COL6A6: variants seen among roughly 807,000 people sequenced by gnomAD.
COL6A6 encodes the protein collagen alpha-6(VI) chain.
A neutral mutation model predicts 208.6 loss-of-function variants in COL6A6; 183 were observed. The ratio of observed to expected loss-of-function variants is 0.88; its 90% CI spans 0.78 to 0.99. The LOEUF is 0.99. COL6A6 is among the 50% of genes least tolerant of loss of function. The probability of loss-of-function intolerance (pLI) is 0.00; values close to 1 mark genes in which losing one functional copy is unlikely to be tolerated. For missense variants in COL6A6, 2,816 were observed against 2,815.2 expected (o/e 1.00, Z -0.01); for synonymous variants, 973 against 1,011.8 (o/e 0.96, Z 0.73).
intron 18 of COL6A6, among the ~76,000 whole-genome samples, chr3:130,595,084 T>G (rs2063816334): frequency 1.3e-5 from 2 of 152,140 alleles, no homozygotes; most frequent in Non-Finnish European, 2.9e-5. Context: ...TCTCATTTCC[T>G]GTAACCCAGG....
chr3:130,595,875 GTCAAATGGTTT>G (rs1329549314), intron 18 of COL6A6, among the ~76,000 whole-genome samples: 2 of 152,142 alleles, frequency 1.3e-5, no homozygotes, highest in Non-Finnish European at 2.9e-5. Context: ...TGTCTTTACA[GTCAAATGGTTT>G]TCAAAAGTTT....
rs2066369438 is a variant in COL6A6, at chr3:130,676,805, G to A, written c.*1408G>A. On this transcript the variant is annotated 3_prime_UTR_variant, in exon 37 of 37. Coordinates refer to ENST00000358511, the MANE Select transcript of COL6A6 (RefSeq NM_001102608.3). Reference sequence around the variant, plus strand: ...GTCACATTCATACTCAGGTAATAGAGAAGAATAAAACACATCAGGTTTGCT... The same window carrying A: ...GTCACATTCATACTCAGGTAATAGAAAAGAATAAAACACATCAGGTTTGCT... 1 of 152,196 alleles carries A rather than the reference G, an allele frequency of 6.6e-6. No individual in the cohort carries two copies. Among genetic ancestry groups the A allele is most frequent in the Non-Finnish European group, 1.5e-5 (1 of 68,042 alleles). The allele number at this position is 152,196 out of a possible 1,614,324, so 9.4% of individuals were successfully genotyped here. A position where few individuals can be genotyped will look rare whatever the true frequency, so the allele number is the denominator to read the frequency against.
chr3:130,661,632 C>T lies in COL6A6; in HGVS notation c.5831-5C>T, dbSNP rs774691511. 6.3e-7 allele frequency: 1 copy of T among 1,594,600 alleles called. No individual in the cohort carries two copies. The highest frequency in any genetic ancestry group is 1.8e-5 in the Admixed American group (1 of 56,054). On this transcript the variant is annotated splice_region_variant and splice_polypyrimidine_tract_variant and intron_variant, in intron 34 of 36. Transcript: ENST00000358511. ...TAGTAACCCAGAGTAACTTTTGGTT[C>T]ACAGATGTGTGCAAGCCAGATGCTT... is the stretch of plus-strand genomic sequence containing the variant.
chr3:130,637,350 G>A (rs778422036), intron 28 of COL6A6, among the ~76,000 whole-genome samples: 11 of 151,510 alleles, frequency 7.3e-5, no homozygotes, highest in Non-Finnish European at 1.3e-4. Flanking sequence ...TCAGAAGCAC[G>A]CTAACAAGTT....
chr3:130,535,170 T>C (rs2062195239), intron 1 of COL6A6, among the ~76,000 whole-genome samples: 2 of 152,128 alleles, frequency 1.3e-5, no homozygotes, highest in Admixed American at 6.5e-5. Context: ...TTGTTCTCAC[T>C]CCAGGCTTTT....
At chr3:130,561,947 C>T (rs915190239) in intron 2 of COL6A6, among the ~76,000 whole-genome samples, 3 of 152,118 alleles carry the variant, frequency 2.0e-5, no homozygotes, top group African/African-American at 7.2e-5. Flanking sequence ...CCACCGCGCC[C>T]GGCTGAATCT....
At chr3:130,556,206 G>T (rs778211717) in intron 1 of COL6A6, among the ~76,000 whole-genome samples, 1 of 152,166 alleles carries the variant, frequency 6.6e-6, no homozygotes, top group African/African-American at 2.4e-5. Context: ...TGCTGCAAAA[G>T]GCATGATTTT....
chr3:130,563,582 C>T lies in COL6A6; in HGVS notation c.579C>T (p.Ser193=). ...HFNLRTVRDL[S]MFSQNMTHII... is the part of the protein sequence containing the mutation. ...ACCTTCGGACAGTCAGAGACCTCAG[C>T]ATGTTTTCCCAAAACATGACACACA... Residue 193 remains serine (S), a synonymous_variant, in exon 3 of 37, where the codon AGC becomes AGT. Coordinates refer to ENST00000358511, the MANE Select transcript of COL6A6 (RefSeq NM_001102608.3). 1 of 1,613,964 alleles carries T rather than the reference C, an allele frequency of 6.2e-7. No homozygotes were observed. The highest frequency in any genetic ancestry group is 8.5e-7 in the Non-Finnish European group (1 of 1,179,866).
chr3:130,667,529 G>T (rs114226197), intron 36 of COL6A6, among the ~76,000 whole-genome samples: 3 of 152,210 alleles, frequency 2.0e-5, no homozygotes, highest in Middle Eastern at 3.4e-3. Flanking sequence ...GTGAGCCACC[G>T]AACCTGGCCT....
chr3:130,622,164 TTCTC>T (rs1342860477), intron 24 of COL6A6, among the ~76,000 whole-genome samples: 2 of 151,684 alleles, frequency 1.3e-5, no homozygotes, highest in Non-Finnish European at 2.9e-5. Flanking sequence ...AGGCCTTCCT[TTCTC>T]TCTTCCAATC....
rs541016448 is a variant in COL6A6 at position 130,538,860 on chromosome 3, A to G, written c.-32+21463A>G. ...ATTTCTCTCCTATCTCTACTATTTC[A>G]TGCTATCCTACAATCATAGGTGCTA... On this transcript the variant is annotated intron_variant, in intron 1 of 36. Transcript: ENST00000358511. Among the ~76,000 whole-genome samples the G allele has an allele frequency of 3.9e-5, 6 of 152,266 alleles. 1 individual carries two copies. In the South Asian group the frequency reaches 1.2e-3, roughly 32 times the overall value.
At chr3:130,559,353 T>C (rs982028457) in intron 1 of COL6A6, among the ~76,000 whole-genome samples, 2 of 152,164 alleles carry the variant, frequency 1.3e-5, no homozygotes, top group African/African-American at 2.4e-5. Context: ...CGTCTAGACT[T>C]GTGAAGGACT....
At chr3:130,610,435 G>C (rs577956181) in intron 22 of COL6A6, among the ~76,000 whole-genome samples, 1 of 152,260 alleles carries the variant, frequency 6.6e-6, no homozygotes, top group Admixed American at 6.5e-5. Context: ...TTTGACTGCA[G>C]ATCCTCAACT....
intron 32 of COL6A6, among the ~76,000 whole-genome samples, chr3:130,648,485 A>T (rs1300487797): frequency 6.6e-6 from 1 of 152,232 alleles, no homozygotes; most frequent in Non-Finnish European, 1.5e-5. Flanking sequence ...AAACTGAGGC[A>T]CAGACAGGAT....
intron 1 of COL6A6, among the ~76,000 whole-genome samples, chr3:130,541,988 A>G (rs987367649): frequency 6.6e-6 from 1 of 152,202 alleles, no homozygotes; most frequent in African/African-American, 2.4e-5. Flanking sequence ...TTTAATGTCC[A>G]TGGGATCTGC....
intron 1 of COL6A6, among the ~76,000 whole-genome samples, chr3:130,533,780 C>T (rs1287639287): frequency 6.6e-6 from 1 of 152,150 alleles, no homozygotes; most frequent in Non-Finnish European, 1.5e-5. Context: ...AGACTTCTTC[C>T]CTAAGCCTCT....
At position 130,568,526 on chromosome 3, in the gene COL6A6, G is replaced by T. The variant is rs974941265; in HGVS notation, c.2323G>T (p.Val775Phe). 6.2e-7 allele frequency: 1 copy of T among 1,612,388 alleles called. No homozygotes were observed. The highest frequency in any genetic ancestry group is 2.2e-5 in the East Asian group (1 of 44,882). The change falls in exon 6 of 37, where the codon GTT (valine) becomes TTT (phenylalanine). Residue 775 changes from valine (V) to phenylalanine (F), a missense_variant. Val to Phe is a conservative substitution (Grantham distance 50). Transcript: ENST00000358511. Reference sequence around the variant, plus strand: ...GGAGATCAGTGGGAGGCCCGAGATGGTTTTTTATGTTGAGAATTTTGACAT... The same window carrying T: ...GGAGATCAGTGGGAGGCCCGAGATGTTTTTTTATGTTGAGAATTTTGACAT... ...LEEISGRPEM[V>F]FYVENFDILQ...
intron 32 of COL6A6, among the ~76,000 whole-genome samples, chr3:130,648,041 A>G (rs1299189092): frequency 6.6e-6 from 1 of 152,248 alleles, no homozygotes; most frequent in Non-Finnish European, 1.5e-5. Context: ...TGCATCATAA[A>G]CTAGGATAAA....
chr3:130,588,882 G>A (rs2108048193), intron 11 of COL6A6, among the ~76,000 whole-genome samples: 1 of 148,744 alleles, frequency 6.7e-6, no homozygotes, highest in South Asian at 2.2e-4. Context: ...ACCTGAAATG[G>A]TGGAGAGTGC....
Sources: allele counts gnomAD v4.1 joint callset (sites outside exome capture counted in the v4.1 genomes callset), GRCh38; gene constraint gnomAD v4.1.1; transcripts MANE v1.5; gene names NCBI Gene and HGNC (gene_info 2026-07-23, HGNC 2026-07-21).